Variants in HAO1 observed in about 807,000 individuals in gnomAD.
The protein encoded by HAO1 is 2-Hydroxyacid oxidase 1.
A neutral mutation model predicts 39.7 loss-of-function variants in HAO1; 34 were observed. The observed-to-expected ratio is 0.86, with a 90% CI of 0.65 to 1.14. The LOEUF (loss-of-function observed/expected upper bound fraction) is 1.14. Ranked by LOEUF, HAO1 falls within the 50% of genes most tolerant of loss-of-function variation. The pLI, the probability that HAO1 is intolerant of heterozygous loss-of-function variation, is 0.00. For synonymous variants in HAO1, 172 were observed against 173.2 expected (o/e 0.99, Z 0.05); for missense variants, 479 against 464.5 (o/e 1.03, Z -0.29).
chr20:7,917,504 A>C (rs2050312533), intron 2 of HAO1, among the ~76,000 whole-genome samples: 1 of 151,992 alleles, frequency 6.6e-6, no homozygotes, highest in South Asian at 2.1e-4. Flanking sequence ...TGCCTAGATA[A>C]ATGTACTCCC....
intron 4 of HAO1, among the ~76,000 whole-genome samples, chr20:7,902,556 G>A (rs532861425): frequency 6.6e-6 from 1 of 152,208 alleles, no homozygotes; most frequent in Admixed American, 6.5e-5. Flanking sequence ...GCACTGGGAA[G>A]ACAAAAAAAT....
chr20:7,940,135 G>T (rs1451613592), intron 1 of HAO1, 151 bp downstream of exon 1: 3 of 548,226 alleles, frequency 5.5e-6, no homozygotes, highest in Non-Finnish European at 8.8e-6. Flanking sequence ...AAAGGCCCAA[G>T]ATTTCTTACA....
intron 3 of HAO1, among the ~76,000 whole-genome samples, chr20:7,910,067 T>C (rs972827751): frequency 3.3e-5 from 5 of 152,224 alleles, no homozygotes; most frequent in Admixed American, 1.3e-4. Flanking sequence ...TGTTCTAGTA[T>C]ATTTTATCGA....
chr20:7,885,804 C>A lies in HAO1; in HGVS notation c.874G>T (p.Gly292Trp), dbSNP rs186791070. 6.8e-6 allele frequency: 11 copies of A among 1,613,374 alleles called. No homozygotes were observed. Among genetic ancestry groups the A allele is most frequent in the Non-Finnish European group, 8.5e-6 (10 of 1,179,332 alleles). Residue 292 changes from glycine to tryptophan, a missense_variant, in exon 6 of 8, where the codon GGG (glycine) becomes TGG (tryptophan). Transcript: ENST00000378789. ...VEGKVEVFLD[G>W]GVRKGTDVLK... ...ACATCAGTGCCTTTCCGCACACCCC[C>A]GTCCAGGAAGACTTCCACCTTCCCT... is the stretch of plus-strand genomic sequence containing the variant.
chr20:7,888,156 G>T (rs1568508418), intron 5 of HAO1, among the ~76,000 whole-genome samples: 1 of 152,060 alleles, frequency 6.6e-6, no homozygotes, highest in Non-Finnish European at 1.5e-5. Flanking sequence ...GTATACTGTT[G>T]CTCATTCATC....
rs143166500 is a variant in HAO1, at chr20:7,914,209, C to A, written c.500G>T (p.Arg167Leu). 57 of 1,614,070 alleles carry A rather than the reference C, an allele frequency of 3.5e-5. No individual in the cohort carries two copies. The African/African-American group carries it at 7.2e-4, about 20-fold the overall frequency. ...VTVDTPYLGN[R>L]LDDVRNRFKL... is the part of the protein sequence containing the mutation. ...GAATCTGTTACGCACATCATCCAGACGGTTGCCCAGGTAAGGTGTGTCCAC... is the reference window on the plus strand; with the variant it reads ...GAATCTGTTACGCACATCATCCAGAAGGTTGCCCAGGTAAGGTGTGTCCAC... The change falls in exon 3 of 8, where the codon CGT (arginine) becomes CTT (leucine). Residue 167 changes from arginine to leucine, a missense_variant. Transcript: ENST00000378789.
At chr20:7,940,208 C>T (rs560133034) in intron 1 of HAO1, 78 bp downstream of exon 1, 23 of 1,208,190 alleles carry the variant, frequency 1.9e-5, no homozygotes, top group East Asian at 1.5e-4. Flanking sequence ...ACACCACCAA[C>T]GTAAAACTAG....
intron 1 of HAO1, among the ~76,000 whole-genome samples, chr20:7,936,863 C>A (rs1365048104): frequency 6.6e-6 from 1 of 152,044 alleles, no homozygotes; most frequent in African/African-American, 2.4e-5. Flanking sequence ...ATAGTAGTAA[C>A]AACTATGTCA....
chr20:7,915,128 A>G (rs916086771), intron 2 of HAO1, among the ~76,000 whole-genome samples: 1 of 150,630 alleles, frequency 6.6e-6, no homozygotes, highest in African/African-American at 2.4e-5. Context: ...CTCAAAAAAA[A>G]ATAATATTAT....
intron 1 of HAO1, 111 bp downstream of exon 1, chr20:7,940,175 C>G (rs2050434170): frequency 5.6e-6 from 5 of 889,474 alleles, no homozygotes; most frequent in Non-Finnish European, 8.2e-6. Flanking sequence ...CTCTACTAAG[C>G]ACAAATCTGA....
At chr20:7,935,043 T>C (rs2050403936) in intron 1 of HAO1, among the ~76,000 whole-genome samples, 1 of 152,228 alleles carries the variant, frequency 6.6e-6, no homozygotes, top group Admixed American at 6.5e-5. Context: ...CAACCACTGA[T>C]GCATTTTTTC....
chr20:7,916,359 A>G (rs190785996), intron 2 of HAO1, among the ~76,000 whole-genome samples: 27 of 152,368 alleles, frequency 1.8e-4, no homozygotes, highest in Non-Finnish European at 3.1e-4. Context: ...TGTGCCTACC[A>G]TGCATCAAAT....
chr20:7,923,026 T>C (rs191640703), intron 2 of HAO1, among the ~76,000 whole-genome samples: 98 of 152,068 alleles, frequency 6.4e-4, no homozygotes, highest in African/African-American at 2.2e-3. Context: ...GGTGGAAAAA[T>C]GCCACAAGGG....
chr20:7,891,481 A>T (rs2050173902), intron 5 of HAO1, among the ~76,000 whole-genome samples: 1 of 152,072 alleles, frequency 6.6e-6, no homozygotes, highest in African/African-American at 2.4e-5. Flanking sequence ...ATTTTCTCCC[A>T]TTCCATGGAT....
intron 5 of HAO1, among the ~76,000 whole-genome samples, chr20:7,886,609 C>T (rs2050152337): frequency 6.6e-6 from 1 of 152,146 alleles, no homozygotes; most frequent in Non-Finnish European, 1.5e-5. Flanking sequence ...CTTATTTTCT[C>T]ATCCAAAATA....
chr20:7,940,200 A>G, intron 1 of HAO1, 86 bp downstream of exon 1: 2 of 1,094,146 alleles, frequency 1.8e-6, no homozygotes, highest in Non-Finnish European at 2.6e-6. Flanking sequence ...ATAATTACAC[A>G]CCACCAACGT....
Position 7,934,569 on chromosome 20 carries a change from TC to T in HAO1, c.203del (p.Gly68AspfsTer28). ...AETDLSTSVL[G>X]QRVSMPICVG... ...CACATATTGGCATGCTGACCCTCTGTCCTAAAACAGAAGTCGACAGATCTGT... is the reference window on the plus strand; with the variant it reads ...CACATATTGGCATGCTGACCCTCTGTCTAAAACAGAAGTCGACAGATCTGT... On this transcript the variant is annotated frameshift_variant, in exon 2 of 8. Coordinates refer to ENST00000378789, the MANE Select transcript of HAO1 (RefSeq NM_017545.3). LOFTEE classifies it high-confidence loss of function. 1 of 1,612,918 alleles carries T rather than the reference TC, an allele frequency of 6.2e-7. No homozygotes were observed. Among genetic ancestry groups the T allele is most frequent in the Non-Finnish European group, 8.5e-7 (1 of 1,179,060 alleles).
At chr20:7,926,532 A>T (rs991787138) in intron 2 of HAO1, among the ~76,000 whole-genome samples, 12 of 152,328 alleles carry the variant, frequency 7.9e-5, no homozygotes, top group African/African-American at 2.9e-4. Flanking sequence ...GAGCAAAGGA[A>T]ATGACAATTC....
intron 2 of HAO1, among the ~76,000 whole-genome samples, chr20:7,918,792 A>G (rs1175187389): frequency 6.6e-6 from 1 of 152,214 alleles, no homozygotes; most frequent in African/African-American, 2.4e-5. Flanking sequence ...AAAATTTTAT[A>G]AATGGCGTAG....
Sources: gnomAD v4.1 joint callset for allele counts (sites outside exome capture counted in the v4.1 genomes callset) on GRCh38, gnomAD v4.1.1 for gene constraint, MANE v1.5 for transcripts, NCBI Gene and HGNC (gene_info 2026-07-23, HGNC 2026-07-21) for gene names.